Variants in DST observed in about 807,000 individuals in gnomAD.
DST encodes the protein bullous pemphigoid antigen.
A neutral mutation model predicts 875.2 loss-of-function variants in DST; 253 were observed. The ratio of observed to expected loss-of-function variants is 0.29; its 90% CI spans 0.26 to 0.32. The LOEUF is 0.32. Among genes scored for constraint, DST ranks in the 10% least tolerant of loss-of-function variants. DST has a pLI of 1.00. For synonymous variants in DST, 3,124 were observed against 3,197.1 expected (o/e 0.98, Z 0.77); for missense variants, 8,287 against 9,111.6 (o/e 0.91, Z 3.68).
At chr6:56,636,364 GTATA>G (rs201647475) in intron 23 of DST, among the ~76,000 whole-genome samples, 189 bp downstream of exon 23, 9 of 148,168 alleles carry the variant, frequency 6.1e-5, no homozygotes, top group African/African-American at 2.2e-4. Flanking sequence ...ATATGTGTGT[GTATA>G]TATATACACA....
intron 19 of DST, 69 bp downstream of exon 19, chr6:56,639,860 G>T: frequency 6.3e-7 from 1 of 1,586,136 alleles, no homozygotes; most frequent in South Asian, 1.1e-5. Context: ...TGATTTACAG[G>T]GTCTTCATGT....
intron 72 of DST, among the ~76,000 whole-genome samples, chr6:56,514,532 T>A (rs1226420268): frequency 7.0e-6 from 1 of 143,270 alleles, no homozygotes; most frequent in Non-Finnish European, 1.5e-5. Context: ...TTCCCTCCCT[T>A]TCTCTCTCTC....
At chr6:56,624,047 ACTACTT>A (rs2152745917) in intron 36 of DST, among the ~76,000 whole-genome samples, 1 of 152,168 alleles carries the variant, frequency 6.6e-6, no homozygotes, top group South Asian at 2.1e-4. Context: ...AAAAACGTCT[ACTACTT>A]CTAAGTTAGC....
intron 88 of DST, chr6:56,483,780 G>C (rs1392766465): frequency 6.6e-6 from 1 of 151,754 alleles, no homozygotes; most frequent in Non-Finnish European, 1.5e-5. Context: ...CATATCTATA[G>C]GTTTCTATTC....
At chr6:56,781,923 T>A (rs2099694954) in intron 4 of DST, among the ~76,000 whole-genome samples, 2 of 152,244 alleles carry the variant, frequency 1.3e-5, no homozygotes, top group Non-Finnish European at 1.5e-5. Flanking sequence ...TTGACAGTTT[T>A]TAGCATGAAG....
intron 3 of DST, among the ~76,000 whole-genome samples, chr6:56,898,105 A>G (rs577438654): frequency 6.6e-6 from 1 of 152,344 alleles, no homozygotes; most frequent in African/African-American, 2.4e-5. Context: ...GCAGATACAC[A>G]GAGCAGGATT....
intron 9 of DST, among the ~76,000 whole-genome samples, chr6:56,696,867 C>T (rs1232635229): frequency 2.0e-5 from 3 of 152,138 alleles, no homozygotes; most frequent in Admixed American, 6.5e-5. Flanking sequence ...AATCTTTTCC[C>T]GCAGGCCTTC....
In DST at chr6:56,463,607, C is replaced by A. The variant is rs567935553; in HGVS notation, c.22917G>T (p.Ala7639=). 6.8e-6 allele frequency: 11 copies of A among 1,608,906 alleles called. No individual in the cohort carries two copies. Among genetic ancestry groups the A allele is most frequent in the African/African-American group, 1.3e-5 (1 of 74,958 alleles). Residue 7639 remains alanine, a synonymous_variant, in exon 101 of 104, where the codon GCG becomes GCT. Transcript: ENST00000680361. ...CAGGGACCTGTGGGGAGGCCGCCTG[C>A]GCAGCCTGACTGGACACAGAAGTGG... The part of the protein sequence containing the change: ...NRSTSVSSQA[A]QAASPQVPAT...
chr6:56,507,048 A>C (rs1197606817), intron 75 of DST, among the ~76,000 whole-genome samples: 1 of 152,234 alleles, frequency 6.6e-6, no homozygotes, highest in Non-Finnish European at 1.5e-5. Flanking sequence ...ACAAATACCA[A>C]AACAAATTTT....
chr6:56,679,849 A>C (rs577370637), intron 9 of DST, among the ~76,000 whole-genome samples: 13 of 152,274 alleles, frequency 8.5e-5, no homozygotes, highest in African/African-American at 3.1e-4. Context: ...TTTAGCAAAC[A>C]AATTTCCTCT....
rs768427385 is a variant in DST at position 56,463,063 on chromosome 6, G to C, written c.23053C>G (p.Pro7685Ala). 1.2e-6 allele frequency: 2 copies of C among 1,611,346 alleles called. No individual in the cohort carries two copies. Among genetic ancestry groups the C allele is most frequent in the Non-Finnish European group, 1.7e-6 (2 of 1,178,008 alleles). The change falls in exon 102 of 104, where the codon CCC (proline) becomes GCC (alanine). Residue 7685 changes from proline to alanine, a missense_variant. Physicochemically the swap from Pro to Ala is conservative, Grantham distance 27. Transcript: ENST00000680361. ...PCKAAECSDFPVPSAEGTPIQ... is the reference protein window; with the variant it reads ...PCKAAECSDFAVPSAEGTPIQ... ...TACAATACCTCTGCAGATGGCACGG[G>C]AAAGTCTGAGCACTCTGCTGCTTTA...
intron 5 of DST, among the ~76,000 whole-genome samples, chr6:56,731,418 C>A (rs2099497899): frequency 6.6e-6 from 1 of 152,152 alleles, no homozygotes; most frequent in Non-Finnish European, 1.5e-5. Context: ...TTGTTCTTTG[C>A]AAGTGTATAG....
At chr6:56,630,452 GCAC>G in intron 30 of DST, 69 bp from the exon 31 acceptor site, 1 of 1,313,926 alleles carries the variant, frequency 7.6e-7, no homozygotes, top group Non-Finnish European at 1.1e-6. Flanking sequence ...TAGTCCTGAA[GCAC>G]CATTATGACA....
intron 4 of DST, chr6:56,843,720 G>A (rs1480908969): frequency 2.6e-6 from 1 of 378,768 alleles, no homozygotes; most frequent in East Asian, 1.6e-4. Context: ...GGTGGAGGGT[G>A]GAGGGTGGAG....
rs1384758008 is a variant in DST, at chr6:56,611,588, A to G, written c.5067T>C (p.Ser1689=). ...KPPFSKQKIS[S]EEISTKKEQL... ...GTTCCTTCTTGGTTGATATTTCCTC[A>G]CTGGAAATCTGTAAGGTAAAGAAGG... Residue 1689 remains serine, a synonymous_variant, in exon 38 of 104, where the codon AGT becomes AGC. Transcript: ENST00000680361. The G allele has an allele frequency of 4.3e-6, 7 of 1,609,432 alleles. No individual in the cohort carries two copies. The highest frequency in any genetic ancestry group is 1.3e-5 in the African/African-American group (1 of 74,912).
At chr6:56,634,665 G>T in intron 25 of DST, 49 bp from the exon 26 acceptor site, 1 of 1,610,622 alleles carries the variant, frequency 6.2e-7, no homozygotes, top group Non-Finnish European at 8.5e-7. Flanking sequence ...ACTGTTAACT[G>T]TTTTCCATAC....
chr6:56,492,406 G>A lies in DST; in HGVS notation c.20578C>T (p.Arg6860Cys), dbSNP rs769340564. Residue 6860 changes from arginine to cysteine, a missense_variant, in exon 85 of 104, where the codon CGT becomes TGT. Around this residue, in one of 10 missense-constraint regions of DST, gnomAD observed 1,292 missense variants for 1,552.7 expected, o/e 0.83. Transcript: ENST00000680361. The stretch of plus-strand genomic sequence containing the variant: ...TTGTCCAGCTCTATTATCTGCTCAC[G>A]ATGAGAATTTACTTCATTGGCAAAA... ...KVFANEVNSH[R>C]EQIIELDKTG... 61 of 1,613,086 alleles carry A rather than the reference G, an allele frequency of 3.8e-5. No individual in the cohort carries two copies. The Admixed American group carries it at 8.5e-4, about 23-fold the overall frequency.
At chr6:56,729,716 T>A (rs965657556) in intron 5 of DST, among the ~76,000 whole-genome samples, 4 of 152,196 alleles carry the variant, frequency 2.6e-5, no homozygotes, top group Non-Finnish European at 4.4e-5. Context: ...AGCTTTTTTT[T>A]CTGTTCTCTA....
intron 37 of DST, 52 bp from the exon 38 acceptor site, chr6:56,611,648 G>GTAT (rs2098545919): frequency 8.0e-7 from 1 of 1,250,718 alleles, no homozygotes; most frequent in Non-Finnish European, 1.1e-6. Flanking sequence ...GGAGTAAACA[G>GTAT]TATTTTTTTT....
Sources: gnomAD v4.1 joint callset for allele counts (sites outside exome capture counted in the v4.1 genomes callset) on GRCh38, gnomAD v4.1.1 for gene constraint, gnomAD v4.1.1 regional missense constraint, MANE v1.5 for transcripts, NCBI Gene and HGNC (gene_info 2026-07-23, HGNC 2026-07-21) for gene names.